FAAH2: variants seen among roughly 807,000 people sequenced by gnomAD.
FAAH2 encodes fatty acid amide hydrolase 2.
A neutral mutation model predicts 36.9 loss-of-function variants in FAAH2; 60 were observed. The ratio of observed to expected loss-of-function variants is 1.63; its 90% CI spans 1.32 to 2.02. The LOEUF is 2.02. Among genes scored for constraint, FAAH2 ranks in the 30% most tolerant of loss-of-function variants. The probability of loss-of-function intolerance (pLI) is 0.00; values close to 1 mark genes in which losing one functional copy is unlikely to be tolerated. For missense variants in FAAH2, 689 were observed against 397.5 expected (o/e 1.73, Z -6.23); for synonymous variants, 214 against 143.8 (o/e 1.49, Z -3.49).
At chrX:57,417,615 G>A (rs1414299629) in intron 7 of FAAH2, among the ~76,000 whole-genome samples, 6 of 111,661 alleles carry the variant, frequency 5.4e-5, no homozygotes, top group Middle Eastern at 4.7e-3. Flanking sequence ...TTCTCTCAGC[G>A]GGGCAACTTC....
At chrX:57,218,688 T>G in the FAAH2 span, among the ~76,000 whole-genome samples, 1 of 111,292 alleles carries the variant, frequency 9.0e-6, no homozygotes, top group Non-Finnish European at 1.9e-5. Context: ...CTCCTGGTTT[T>G]GGTATTAGGG....
At chrX:57,407,616 C>G (rs2055599486) in intron 7 of FAAH2, among the ~76,000 whole-genome samples, 1 of 111,676 alleles carries the variant, frequency 9.0e-6, no homozygotes, top group Non-Finnish European at 1.9e-5. Flanking sequence ...CAGCTTTCCA[C>G]TCGGGGTGAC....
chrX:57,436,622 A>C (rs955939347), intron 8 of FAAH2, among the ~76,000 whole-genome samples: 12 of 110,955 alleles, frequency 1.1e-4, no homozygotes, highest in Non-Finnish European at 2.3e-4. Context: ...ATTATTAAGA[A>C]CTCTACTTCC....
At chrX:57,379,279 C>T (rs2054771868) in intron 6 of FAAH2, among the ~76,000 whole-genome samples, 1 of 111,182 alleles carries the variant, frequency 9.0e-6, no homozygotes, top group Non-Finnish European at 1.9e-5. Flanking sequence ...AGTAAATAAT[C>T]CCACATTTTA....
the FAAH2 span, among the ~76,000 whole-genome samples, chrX:57,139,500 C>T: frequency 9.0e-6 from 1 of 111,517 alleles, no homozygotes; most frequent in Non-Finnish European, 1.9e-5. Context: ...TCTTGCTCAG[C>T]TGGAGTGCAG....
At chrX:57,138,282 A>G in the FAAH2 span, among the ~76,000 whole-genome samples, 5 of 111,629 alleles carry the variant, frequency 4.5e-5, no homozygotes, top group African/African-American at 1.6e-4. Flanking sequence ...AGATTGCTAT[A>G]TCAAGTAAGA....
At chrX:57,381,852 C>T (rs1342683289) in intron 7 of FAAH2, among the ~76,000 whole-genome samples, 2 of 111,295 alleles carry the variant, frequency 1.8e-5, no homozygotes, top group Non-Finnish European at 3.8e-5. Flanking sequence ...AACTCTCCAC[C>T]CCAAATCAAC....
chrX:57,431,447 G>A (rs1415155721), intron 7 of FAAH2, among the ~76,000 whole-genome samples: 2 of 111,926 alleles, frequency 1.8e-5, no homozygotes, highest in Non-Finnish European at 3.8e-5. Context: ...CCAGCCTACA[G>A]TCTAAACTAT....
At chrX:57,254,970 C>A in the FAAH2 span, among the ~76,000 whole-genome samples, 1 of 111,113 alleles carries the variant, frequency 9.0e-6, no homozygotes, top group African/African-American at 3.3e-5. Flanking sequence ...TGAAAAAAAT[C>A]AATGAATCCA....
chrX:57,322,881 A>T (rs1003727677), intron 3 of FAAH2, among the ~76,000 whole-genome samples: 4 of 109,275 alleles, frequency 3.7e-5, no homozygotes, highest in Admixed American at 2.0e-4. Context: ...GGTGCACAAC[A>T]TGCAGGTTTG....
intron 1 of FAAH2, among the ~76,000 whole-genome samples, chrX:57,291,975 G>A (rs1945603927): frequency 1.8e-5 from 2 of 110,477 alleles, no homozygotes; most frequent in African/African-American, 6.6e-5. Flanking sequence ...CAATTATTGG[G>A]ACATACTTAT....
At chrX:57,302,827 C>T (rs2052414706) in intron 2 of FAAH2, among the ~76,000 whole-genome samples, 1 of 111,197 alleles carries the variant, frequency 9.0e-6, no homozygotes, top group Non-Finnish European at 1.9e-5. Flanking sequence ...CACAGCCACC[C>T]TTAGGCCTCA....
chrX:57,163,618 G>A, the FAAH2 span, among the ~76,000 whole-genome samples: 14 of 111,992 alleles, frequency 1.3e-4, no homozygotes, highest in South Asian at 3.8e-3. Flanking sequence ...GGAGTGACCC[G>A]ATTTTCCAGG....
At chrX:57,372,953 G>A (rs938219420) in intron 5 of FAAH2, among the ~76,000 whole-genome samples, 3 of 110,268 alleles carry the variant, frequency 2.7e-5, no homozygotes, top group East Asian at 2.9e-4. Context: ...TAGCTTCCAC[G>A]TATGAGTGAA....
At chrX:57,340,256 A>G (rs1427428795) in intron 4 of FAAH2, among the ~76,000 whole-genome samples, 1 of 111,590 alleles carries the variant, frequency 9.0e-6, no homozygotes, top group East Asian at 2.8e-4. Context: ...TCCAATTTCT[A>G]TCTGCTTTAT....
intron 10 of FAAH2, among the ~76,000 whole-genome samples, chrX:57,463,797 T>A (rs1025246824): frequency 4.5e-5 from 5 of 111,740 alleles, no homozygotes; most frequent in Non-Finnish European, 9.4e-5. Flanking sequence ...GCTTTTACAC[T>A]GATGGTGGAA....
At chrX:57,223,422 T>C in the FAAH2 span, among the ~76,000 whole-genome samples, 1 of 111,791 alleles carries the variant, frequency 8.9e-6, no homozygotes, top group African/African-American at 3.3e-5. Flanking sequence ...TTCCTCACTC[T>C]CAAAGCCTTC....
At position 57,447,234 on chromosome X, in the gene FAAH2, A is replaced by G. The variant is rs985401719; in HGVS notation, c.1228+195A>G. Among the ~76,000 whole-genome samples the G allele has an allele frequency of 1.8e-4, 20 of 111,679 alleles. No homozygotes were observed. The Admixed American group carries it at 1.8e-3, about 10-fold the overall frequency. ...ACGCTGATGCAAGAGGTGGGTTCTC[A>G]TGGTCTTGGGCAGCTCCACCCCTAT... is the stretch of plus-strand genomic sequence containing the variant. On this transcript the variant is annotated intron_variant, in intron 9 of 10. Transcript: ENST00000374900.
chrX:57,252,239 C>T, the FAAH2 span, among the ~76,000 whole-genome samples: 1 of 112,647 alleles, frequency 8.9e-6, no homozygotes, highest in Non-Finnish European at 1.9e-5. Context: ...AACAGGGAAG[C>T]TCTAACAGAG....
Sources: gnomAD v4.1 joint callset for allele counts (sites outside exome capture counted in the v4.1 genomes callset) on GRCh38, gnomAD v4.1.1 for gene constraint, MANE v1.5 for transcripts, NCBI Gene and HGNC (gene_info 2026-07-23, HGNC 2026-07-21) for gene names.